ZNF853: variants seen among roughly 807,000 people sequenced by gnomAD.
ZNF853 encodes zinc finger protein 853.
Under a neutral mutation model 94.7 loss-of-function variants are expected in ZNF853, and 57 were observed. The ratio of observed to expected loss-of-function variants is 0.60; its 90% CI spans 0.49 to 0.75. ZNF853 has a LOEUF of 0.75. Ranked by LOEUF, ZNF853 falls within the 30% of genes least tolerant of loss-of-function variation. The pLI, the probability that ZNF853 is intolerant of heterozygous loss-of-function variation, is 0.00. For synonymous variants in ZNF853, 448 were observed against 406.3 expected, an observed-to-expected ratio of 1.10 and a Z score of -1.23; for missense variants, 785 against 868.9, an observed-to-expected ratio of 0.90 and a Z score of 1.21.
chr7:6,617,205 C>T lies in ZNF853; in HGVS notation c.28C>T (p.Arg10Trp), dbSNP rs561723875. The T allele has an allele frequency of 1.3e-5, 20 of 1,540,464 alleles. No individual in the cohort carries two copies. Among genetic ancestry groups the T allele is most frequent in the African/African-American group, 1.1e-4 (8 of 72,506 alleles). MLHQPTPGN[R>W]GLTARMEVGP... is the part of the protein sequence containing the mutation. ...TTCAGCACAGCCGACTCCCGGGAAT[C>T]GGGGTCTGACCGCCAGGATGGAAGT... The change falls in exon 2 of 3, where the codon CGG becomes TGG. Residue 10 changes from arginine to tryptophan, a missense_variant. Arg to Trp is a moderately radical substitution (Grantham distance 101, BLOSUM62 -3). Coordinates refer to ENST00000457543, the MANE Select transcript of ZNF853 (RefSeq NM_017560.3).
chr7:6,617,521 T>A, intron 2 of ZNF853: 1 of 905,504 alleles, frequency 1.1e-6, no homozygotes, highest in Non-Finnish European at 1.3e-6. Context: ...CCCACATGGG[T>A]GCTGACTGGA....
chr7:6,618,837 G>A, intron 2 of ZNF853, among the ~76,000 whole-genome samples: 1 of 152,116 alleles, frequency 6.6e-6, no homozygotes, highest in Admixed American at 6.6e-5. Flanking sequence ...TCCCAGAAGA[G>A]GTGGGAGAAA....
At position 6,622,430 on chromosome 7, in the gene ZNF853, C is replaced by T; in HGVS notation, c.1439C>T (p.Ala480Val). 4.1e-6 allele frequency: 6 copies of T among 1,447,404 alleles called. No homozygotes were observed. The highest frequency in any genetic ancestry group is 5.4e-6 in the Non-Finnish European group (6 of 1,109,064). The allele number at this position is 1,447,404 out of a possible 1,614,324, so 89.7% of individuals were successfully genotyped here. The change falls in exon 3 of 3, where the codon GCT (alanine) becomes GTT (valine). Residue 480 changes from alanine (A) to valine (V), a missense_variant. Physicochemically the swap from Ala to Val is moderately conservative, Grantham distance 64. Coordinates refer to ENST00000457543, the MANE Select transcript of ZNF853 (RefSeq NM_017560.3). Reference protein sequence around the residue: ...TPARQRRRRRARDRPTICGEC... With the variant: ...TPARQRRRRRVRDRPTICGEC... ...GCACGGCAGCGGCGGCGGCGGCGCG[C>T]TCGGGACCGGCCGACCATCTGCGGG...
Position 6,623,537 on chromosome 7 carries a change from T to G in ZNF853, c.*566T>G, listed in dbSNP as rs1782686333. 4 of 393,632 alleles carry G rather than the reference T, an allele frequency of 1.0e-5. No homozygotes were observed. In the South Asian group the frequency reaches 5.7e-4, roughly 57 times the overall value. The allele number at this position is 393,632 out of a possible 1,614,324, so 24.4% of individuals were successfully genotyped here. A position where few individuals can be genotyped will look rare whatever the true frequency, so the allele number is the denominator to read the frequency against. ...GAAAATTCATCAGGGTGGGTATAAT[T>G]CTGATGAAAACGCCTGTGTTCATCA... On this transcript the variant is annotated 3_prime_UTR_variant, in exon 3 of 3. Coordinates refer to ENST00000457543, the MANE Select transcript of ZNF853 (RefSeq NM_017560.3).
intron 2 of ZNF853, 146 bp from the exon 3 acceptor site, chr7:6,620,976 T>C: frequency 4.9e-6 from 5 of 1,021,158 alleles, no homozygotes; most frequent in African/African-American, 4.9e-5. Flanking sequence ...TGGGCTGCTA[T>C]TGTTACTCGA....
rs1195252862 is a variant in ZNF853, at chr7:6,623,262, G to A, written c.*291G>A. 1 of 399,076 alleles carries A rather than the reference G, an allele frequency of 2.5e-6. No individual in the cohort carries two copies. The highest frequency in any genetic ancestry group is 4.4e-6 in the Non-Finnish European group (1 of 226,578). The allele number at this position is 399,076 out of a possible 1,614,324, so 24.7% of individuals were successfully genotyped here. The stretch of plus-strand genomic sequence containing the variant: ...GGGGTCTGCCAAAGGTTTTCCCTCC[G>A]GGAAAACTGGACTTACTACGAACGA... On this transcript the variant is annotated 3_prime_UTR_variant, in exon 3 of 3. Coordinates refer to ENST00000457543, the MANE Select transcript of ZNF853 (RefSeq NM_017560.3).
At chr7:6,616,224 G>A in intron 1 of ZNF853, 38 bp downstream of exon 1, 1 of 1,545,628 alleles carries the variant, frequency 6.5e-7, no homozygotes, top group South Asian at 1.2e-5. Context: ...GGCAACCGGG[G>A]ACGCGTCCCT....
intron 2 of ZNF853, among the ~76,000 whole-genome samples, chr7:6,619,196 T>C: frequency 6.6e-6 from 1 of 151,462 alleles, no homozygotes; most frequent in Non-Finnish European, 1.5e-5. Context: ...CCTGCCACCA[T>C]GCCCGGCTAA....
chr7:6,619,197 G>A, intron 2 of ZNF853, among the ~76,000 whole-genome samples: 1 of 151,852 alleles, frequency 6.6e-6, no homozygotes, highest in Non-Finnish European at 1.5e-5. Context: ...CTGCCACCAT[G>A]CCCGGCTAAT....
In ZNF853 at chr7:6,616,097, G is replaced by A; in HGVS notation, c.-78G>A. 3 of 1,452,916 alleles carry A rather than the reference G, an allele frequency of 2.1e-6. No homozygotes were observed. Among genetic ancestry groups the A allele is most frequent in the Non-Finnish European group, 2.8e-6 (3 of 1,069,138 alleles). 90.0% of individuals were successfully genotyped at this position (1,452,916 alleles called of 1,614,324 possible). ...GATGGAGGCGCCTCCGGAAGGAGCCGGCTGCACGCCGTGGCCTTCACCTCG... is the reference window on the plus strand; with the variant it reads ...GATGGAGGCGCCTCCGGAAGGAGCCAGCTGCACGCCGTGGCCTTCACCTCG... On this transcript the variant is annotated 5_prime_UTR_variant, in exon 1 of 3. Coordinates refer to ENST00000457543, the MANE Select transcript of ZNF853 (RefSeq NM_017560.3).
At chr7:6,616,440 G>A in intron 1 of ZNF853, among the ~76,000 whole-genome samples, 12 of 152,184 alleles carry the variant, frequency 7.9e-5, no homozygotes, top group Non-Finnish European at 1.6e-4. Context: ...AGGCCAGGAA[G>A]GCAATAGAAT....
Position 6,622,597 on chromosome 7 carries a change from A to G in ZNF853, c.1606A>G (p.Thr536Ala), listed in dbSNP as rs1782654565. Residue 536 changes from threonine (T) to alanine (A), a missense_variant, in exon 3 of 3, where the codon ACG becomes GCG. Physicochemically the swap from Thr to Ala is moderately conservative, Grantham distance 58. Transcript: ENST00000457543. ...SNLVTHQRIH[T>A]GEKPYACSYC... ...TCTGGTGACGCACCAACGCATCCAC[A>G]CGGGCGAGAAACCCTACGCCTGCTC... 6.3e-7 allele frequency: 1 copy of G among 1,578,632 alleles called. No individual in the cohort carries two copies. Among genetic ancestry groups the G allele is most frequent in the Non-Finnish European group, 8.6e-7 (1 of 1,163,364 alleles).
chr7:6,623,386 G>C lies in ZNF853; in HGVS notation c.*415G>C, dbSNP rs962556712. 2.5e-6 allele frequency: 1 copy of C among 398,572 alleles called. No homozygotes were observed. Among genetic ancestry groups the C allele is most frequent in the Non-Finnish European group, 4.4e-6 (1 of 226,076 alleles). 24.7% of individuals were successfully genotyped at this position (398,572 alleles called of 1,614,324 possible). On this transcript the variant is annotated 3_prime_UTR_variant, in exon 3 of 3. Transcript: ENST00000457543. ...GGTGAGACACACGTGGAAAATCTTCGATCCTGGTGAAAATGATCGCAAGGA... is the reference window on the plus strand; with the variant it reads ...GGTGAGACACACGTGGAAAATCTTCCATCCTGGTGAAAATGATCGCAAGGA...
rs900941927 is a variant in ZNF853, at chr7:6,622,895, G to T, written c.1904G>T (p.Arg635Leu). The T allele has an allele frequency of 8.0e-7, 1 of 1,257,272 alleles. No individual in the cohort carries two copies. The highest frequency in any genetic ancestry group is 4.4e-5 in the Admixed American group (1 of 22,876). 77.9% of individuals were successfully genotyped at this position (1,257,272 alleles called of 1,614,324 possible). A position where few individuals can be genotyped will look rare whatever the true frequency, so the allele number is the denominator to read the frequency against. The change falls in exon 3 of 3, where the codon CGG becomes CTG. Residue 635 changes from arginine to leucine, a missense_variant. Coordinates refer to ENST00000457543, the MANE Select transcript of ZNF853 (RefSeq NM_017560.3). ...SRGLGLLRAS[R>L]PAALGGPARA... ...GGCCTCGGCCTGCTGCGCGCCTCGC[G>T]GCCGGCGGCCCTCGGTGGCCCAGCC...
At position 6,616,263 on chromosome 7, in the gene ZNF853, TCGG is replaced by T; in HGVS notation, c.12+79_12+81del. 3.4e-6 allele frequency: 5 copies of T among 1,460,926 alleles called. No homozygotes were observed. In the Admixed American group the frequency reaches 6.2e-5, roughly 18 times the overall value. The allele number at this position is 1,460,926 out of a possible 1,614,324, so 90.5% of individuals were successfully genotyped here. A position where few individuals can be genotyped will look rare whatever the true frequency, so the allele number is the denominator to read the frequency against. On this transcript the variant is annotated intron_variant, in intron 1 of 2. Transcript: ENST00000457543. ...GAGAGTTTGGACTGGATGGCACGAG[TCGG>T]CCTGTTTAGGGGAGAGGGGCCAGCT...
At chr7:6,620,602 T>C in intron 2 of ZNF853, among the ~76,000 whole-genome samples, 50,633 of 140,644 alleles carry the variant, frequency 0.36, 9,044 homozygotes, top group South Asian at 0.56. Flanking sequence ...CCCTTCTTCC[T>C]TTCTTTCTCT....
Position 6,618,052 on chromosome 7 carries a change from C to T in ZNF853, c.130+745C>T. Among the ~76,000 whole-genome samples the T allele has an allele frequency of 8.0e-3, 1,218 of 152,256 alleles. 12 individuals are homozygous for T. Among genetic ancestry groups the T allele is most frequent in the African/African-American group, 0.027 (1,118 of 41,534 alleles). On this transcript the variant is annotated intron_variant, in intron 2 of 2. Coordinates refer to ENST00000457543, the MANE Select transcript of ZNF853 (RefSeq NM_017560.3). ...TGATGGCTCATTCCTGTAATCCCAG[C>T]ACTTTGGGAGGCCGAGGCGGGCAGA...
intron 2 of ZNF853, among the ~76,000 whole-genome samples, chr7:6,619,047 T>C: frequency 6.8e-6 from 1 of 146,496 alleles, no homozygotes; most frequent in African/African-American, 2.5e-5. Context: ...TTTTTTTTTT[T>C]TTTTTTTTTT....
Position 6,617,234 on chromosome 7 carries a change from G to A in ZNF853, c.57G>A (p.Gly19=). The A allele has an allele frequency of 1.3e-6, 2 of 1,534,206 alleles. No individual in the cohort carries two copies. Among genetic ancestry groups the A allele is most frequent in the Non-Finnish European group, 1.8e-6 (2 of 1,138,890 alleles). ...NRGLTARMEV[G]PATETFVLEL... is the part of the protein sequence containing the mutation. ...GTCTGACCGCCAGGATGGAAGTGGG[G>A]CCAGCCACCGAGACCTTCGTGCTGG... Residue 19 remains glycine (G), a synonymous_variant, in exon 2 of 3, where the codon GGG becomes GGA. Coordinates refer to ENST00000457543, the MANE Select transcript of ZNF853 (RefSeq NM_017560.3).
Sources: gnomAD v4.1 joint callset for allele counts (sites outside exome capture counted in the v4.1 genomes callset) on GRCh38, gnomAD v4.1.1 for gene constraint, MANE v1.5 for transcripts, NCBI Gene and HGNC (gene_info 2026-07-23, HGNC 2026-07-21) for gene names.